Variants in CCNH observed in about 807,000 individuals in gnomAD.
CCNH encodes cyclin-H.
CCNH carries 31 observed loss-of-function variants against 41.9 expected under a neutral mutation model. The ratio of observed to expected loss-of-function variants is 0.74; its 90% CI spans 0.56 to 1.00. The LOEUF (loss-of-function observed/expected upper bound fraction) is 1.00, where lower values mean the gene tolerates loss of function less well. Among genes scored for constraint, CCNH ranks in the 50% least tolerant of loss-of-function variants. CCNH has a pLI of 0.00. For synonymous variants in CCNH, 138 were observed against 136.1 expected (o/e 1.01, Z -0.10); for missense variants, 362 against 388.4 (o/e 0.93, Z 0.57).
chr5:87,393,590 A>G (rs1032828347), downstream of CCNH: 7 of 152,160 alleles, frequency 4.6e-5, no homozygotes, highest in Non-Finnish European at 4.4e-5. Context: ...TTTGAATTAC[A>G]TTTCTCTAAC....
intron 3 of CCNH, 171 bp downstream of exon 3, chr5:87,409,119 G>T (rs1215675467): frequency 7.2e-6 from 3 of 413,974 alleles, no homozygotes; most frequent in East Asian, 3.7e-5. Context: ...GGTAAACAGA[G>T]ATCTCAAGTT....
chr5:87,330,867 C>T, intron 9 of CCNH: 2 of 887,522 alleles, frequency 2.3e-6, no homozygotes, highest in Non-Finnish European at 3.1e-6. Context: ...ATCCTTTAGA[C>T]AGTGTAATTC....
chr5:87,408,420 G>A (rs1270404910), intron 3 of CCNH, among the ~76,000 whole-genome samples: 1 of 152,112 alleles, frequency 6.6e-6, no homozygotes, highest in Non-Finnish European at 1.5e-5. Context: ...ATATTGCCAT[G>A]GCATTCAAAC....
chr5:87,364,468 T>C (rs1760354042), intron 9 of CCNH, among the ~76,000 whole-genome samples: 1 of 152,160 alleles, frequency 6.6e-6, no homozygotes, highest in Non-Finnish European at 1.5e-5. Flanking sequence ...ATCTGTAAAA[T>C]AGTATGAATT....
At chr5:87,409,478 T>C (rs1437585776) in intron 2 of CCNH, 115 bp from the exon 3 acceptor site, 2 of 562,314 alleles carry the variant, frequency 3.6e-6, no homozygotes, top group Non-Finnish European at 6.3e-6. Context: ...CCCAGAAAAA[T>C]ACTAATACTC....
intron 7 of CCNH, among the ~76,000 whole-genome samples, chr5:87,397,411 T>C (rs541324337): frequency 6.6e-6 from 1 of 152,192 alleles, no homozygotes; most frequent in East Asian, 1.9e-4. Context: ...CCGCCCGCCT[T>C]AGCCTCCCAA....
intron 9 of CCNH, among the ~76,000 whole-genome samples, chr5:87,382,593 G>A (rs1761796313): frequency 6.6e-6 from 1 of 152,162 alleles, no homozygotes; most frequent in Non-Finnish European, 1.5e-5. Flanking sequence ...TTATCTACAT[G>A]ACAACATATC....
intron 9 of CCNH, among the ~76,000 whole-genome samples, chr5:87,365,758 T>C (rs1375904628): frequency 6.6e-6 from 1 of 152,064 alleles, no homozygotes; most frequent in Non-Finnish European, 1.5e-5. Context: ...ATACATTTAA[T>C]TGCTAAATTT....
At chr5:87,344,012 T>C (rs980991356) in intron 9 of CCNH, among the ~76,000 whole-genome samples, 5 of 151,928 alleles carry the variant, frequency 3.3e-5, no homozygotes, top group African/African-American at 1.2e-4. Flanking sequence ...GTGCAAAATA[T>C]TAGAAAATTA....
chr5:87,412,617 C>T, intron 1 of CCNH, 61 bp downstream of exon 1: 1 of 1,592,648 alleles, frequency 6.3e-7, no homozygotes, highest in Admixed American at 1.7e-5. Context: ...GCCAGAAGAG[C>T]TCCCGCAGCT....
intron 9 of CCNH, among the ~76,000 whole-genome samples, chr5:87,320,858 C>G (rs1242630033): frequency 6.6e-6 from 1 of 152,186 alleles, no homozygotes; most frequent in African/African-American, 2.4e-5. Flanking sequence ...TGTGAAAAGA[C>G]AAGGTGAAAA....
chr5:87,390,594 T>A (rs1333538640), downstream of CCNH, among the ~76,000 whole-genome samples: 1 of 152,168 alleles, frequency 6.6e-6, no homozygotes, highest in Non-Finnish European at 1.5e-5. Context: ...AAATTTCTGT[T>A]CACTTTAGGG....
At chr5:87,387,274 GAC>G (rs1191888682), downstream of CCNH, among the ~76,000 whole-genome samples, 4 of 152,158 alleles carry the variant, frequency 2.6e-5, no homozygotes, top group Non-Finnish European at 5.9e-5. Context: ...GCAAGACGAT[GAC>G]ACAGTTCTGA....
Position 87,395,087 on chromosome 5 carries a change from T to C in CCNH, c.890A>G (p.Tyr297Cys). The C allele has an allele frequency of 1.9e-6, 3 of 1,611,624 alleles. No homozygotes were observed. Among genetic ancestry groups the C allele is most frequent in the Non-Finnish European group, 1.7e-6 (2 of 1,178,274 alleles). The change falls in exon 8 of 9, where the codon TAT (tyrosine) becomes TGT (cysteine). Residue 297 changes from tyrosine (Y) to cysteine (C), a missense_variant. By Grantham distance (194) the Tyr-to-Cys change is radical. Coordinates refer to ENST00000256897, the MANE Select transcript of CCNH (RefSeq NM_001239.4). Reference sequence around the variant, plus strand: ...CTTTGAGACGTAATCATCATCTTCATAGCCTTTCCTCTTCTTCCTATAATT... The same window carrying C: ...CTTTGAGACGTAATCATCATCTTCACAGCCTTTCCTCTTCTTCCTATAATT... ...LNVITKKRKG[Y>C]EDDDYVSKKS...
At chr5:87,386,097 T>G (rs1561330492) in intron 9 of CCNH, among the ~76,000 whole-genome samples, 1 of 152,046 alleles carries the variant, frequency 6.6e-6, no homozygotes, top group Non-Finnish European at 1.5e-5. Flanking sequence ...CAGAACTCAT[T>G]GGGTACTATA....
At chr5:87,383,592 TTA>T in intron 9 of CCNH, 7 of 699,106 alleles carry the variant, frequency 1.0e-5, no homozygotes, top group Non-Finnish European at 1.7e-5. Context: ...TTTTATTGGT[TTA>T]GAGTGAATTT....
chr5:87,404,515 G>T (rs1430261151), intron 5 of CCNH, among the ~76,000 whole-genome samples: 2 of 152,170 alleles, frequency 1.3e-5, no homozygotes, highest in Non-Finnish European at 2.9e-5. Context: ...ATGCTCTACA[G>T]AAGGGGAATA....
intron 7 of CCNH, among the ~76,000 whole-genome samples, 197 bp downstream of exon 7, chr5:87,399,197 A>G (rs917130925): frequency 2.0e-5 from 3 of 152,240 alleles, no homozygotes; most frequent in Non-Finnish European, 4.4e-5. Flanking sequence ...CATATGAGTC[A>G]CAGCAGGATC....
rs2230641 is a variant in CCNH, at chr5:87,399,457, A to G, written c.809T>C (p.Val270Ala). Residue 270 changes from valine (V) to alanine (A), a missense_variant, in exon 7 of 9, where the codon GTT becomes GCT. By Grantham distance (64) the Val-to-Ala change is moderately conservative (BLOSUM62 0). Coordinates refer to ENST00000256897, the MANE Select transcript of CCNH (RefSeq NM_001239.4). ...CTCCAACTTCTGTTTCAGAACAGCA[A>G]CTTCTTCAGATCTGGGTGGTTCATA... ...KKYEPPRSEE[V>A]AVLKQKLERC... 313,910 of 1,612,358 alleles carry G rather than the reference A, an allele frequency of 0.19. 32,656 individuals carry two copies. Among genetic ancestry groups the G allele is most frequent in the Middle Eastern group, 0.21 (1,299 of 6,062 alleles).
Sources: allele counts gnomAD v4.1 joint callset (sites outside exome capture counted in the v4.1 genomes callset), GRCh38; gene constraint gnomAD v4.1.1; transcripts MANE v1.5; gene names NCBI Gene and HGNC (gene_info 2026-07-23, HGNC 2026-07-21).